Variants in PDZRN4 observed in about 807,000 individuals in gnomAD.
PDZRN4 encodes the protein PDZ domain-containing RING finger protein 4.
In PDZRN4, 70 loss-of-function variants were observed where a neutral mutation model predicts 99.0. That is an observed-to-expected ratio of 0.71 (90% CI 0.58 to 0.86). The LOEUF (loss-of-function observed/expected upper bound fraction) is 0.86, where lower values mean the gene tolerates loss of function less well. PDZRN4 is among the 40% of genes least tolerant of loss of function. The pLI, the probability that PDZRN4 is intolerant of heterozygous loss-of-function variation, is 0.00. For missense variants in PDZRN4, 1,474 were observed against 1,331.2 expected, an observed-to-expected ratio of 1.11 and a Z score of -1.67; for synonymous variants, 551 against 501.6, an observed-to-expected ratio of 1.10 and a Z score of -1.32.
Position 41,189,953 on chromosome 12 carries a change from T to C in PDZRN4, c.648+850T>C, listed in dbSNP as rs563658186. Among the ~76,000 whole-genome samples the C allele has an allele frequency of 2.6e-5, 4 of 152,314 alleles. No homozygotes were observed. The South Asian group carries it at 8.3e-4, about 32-fold the overall frequency. ...TCCTCCCGCCGGCTTTCATACCGAATAAACAAGCCTCTTTGCAGCATCCCG... is the reference window on the plus strand; with the variant it reads ...TCCTCCCGCCGGCTTTCATACCGAACAAACAAGCCTCTTTGCAGCATCCCG... On this transcript the variant is annotated intron_variant, in intron 1 of 9. Transcript: ENST00000402685.
chr12:41,572,815 A>G lies in PDZRN4; in HGVS notation c.2036A>G (p.Glu679Gly). 2 of 1,614,164 alleles carry G rather than the reference A, an allele frequency of 1.2e-6. No individual in the cohort carries two copies. Among genetic ancestry groups the G allele is most frequent in the Non-Finnish European group, 1.7e-6 (2 of 1,180,008 alleles). ...GAAGAACTGAGAAACATTGAGCTTGAGTGTCAGAATATCATGCAGGCTCAC... is the reference window on the plus strand; with the variant it reads ...GAAGAACTGAGAAACATTGAGCTTGGGTGTCAGAATATCATGCAGGCTCAC... Reference protein sequence around the residue: ...LNEELRNIELECQNIMQAHRL... With the variant: ...LNEELRNIELGCQNIMQAHRL... The change falls in exon 10 of 10, where the codon GAG becomes GGG. Residue 679 changes from glutamate to glycine, a missense_variant. Transcript: ENST00000402685.
chr12:41,211,089 C>A (rs111663269), intron 3 of PDZRN4, among the ~76,000 whole-genome samples: 1 of 152,070 alleles, frequency 6.6e-6, no homozygotes, highest in East Asian at 1.9e-4. Flanking sequence ...CAGTGTTTCA[C>A]GCCCTCAGGA....
intron 3 of PDZRN4, among the ~76,000 whole-genome samples, chr12:41,375,979 G>T (rs1335885495): frequency 1.3e-5 from 2 of 151,966 alleles, no homozygotes; most frequent in African/African-American, 4.8e-5. Flanking sequence ...CCACATATAA[G>T]CAGGATTATA....
At chr12:41,528,148 G>A (rs1340700545) in intron 5 of PDZRN4, among the ~76,000 whole-genome samples, 1 of 152,078 alleles carries the variant, frequency 6.6e-6, no homozygotes, top group Non-Finnish European at 1.5e-5. Context: ...ATGCATGGAT[G>A]GTGTCTGAGG....
Position 41,341,312 on chromosome 12 carries a change from C to A in PDZRN4, c.843+147124C>A, listed in dbSNP as rs184471846. ...ATCAGAAACATTACAAAGGTGCCTA[C>A]TTTTACCACTCCTATTCAATGTAGT... On this transcript the variant is annotated intron_variant, in intron 3 of 9. Coordinates refer to ENST00000402685, the MANE Select transcript of PDZRN4 (RefSeq NM_001164595.2). Among the ~76,000 whole-genome samples the A allele has an allele frequency of 3.1e-3, 470 of 151,920 alleles. 5 individuals are homozygous for A. The highest frequency in any genetic ancestry group is 0.011 in the African/African-American group (448 of 41,536).
chr12:41,524,625 G>T (rs1362878394), intron 5 of PDZRN4, among the ~76,000 whole-genome samples: 1 of 152,096 alleles, frequency 6.6e-6, no homozygotes, highest in Non-Finnish European at 1.5e-5. Flanking sequence ...AGAATTACAG[G>T]CCCGATAATT....
intron 3 of PDZRN4, among the ~76,000 whole-genome samples, chr12:41,240,426 T>C (rs1335761517): frequency 6.6e-6 from 1 of 152,206 alleles, no homozygotes; most frequent in African/African-American, 2.4e-5. Flanking sequence ...ATCTAAATTT[T>C]AGAGGTGCAT....
chr12:41,306,447 T>C (rs1951570020), intron 3 of PDZRN4, among the ~76,000 whole-genome samples: 2 of 152,228 alleles, frequency 1.3e-5, no homozygotes, highest in African/African-American at 4.8e-5. Flanking sequence ...CAAAGAAGTC[T>C]GACAGCCATC....
chr12:41,341,443 A>G (rs1951816214), intron 3 of PDZRN4, among the ~76,000 whole-genome samples: 2 of 151,936 alleles, frequency 1.3e-5, no homozygotes, highest in African/African-American at 4.8e-5. Flanking sequence ...GTGATCTTGT[A>G]TATAAAGTAT....
chr12:41,338,928 A>G (rs1951795064), intron 3 of PDZRN4, among the ~76,000 whole-genome samples: 1 of 152,064 alleles, frequency 6.6e-6, no homozygotes, highest in African/African-American at 2.4e-5. Context: ...TCAAAGAAGG[A>G]ACAAAAAAAT....
chr12:41,237,751 C>G (rs1412783612), intron 3 of PDZRN4, among the ~76,000 whole-genome samples: 1 of 152,146 alleles, frequency 6.6e-6, no homozygotes, highest in Non-Finnish European at 1.5e-5. Context: ...TTGTTTTCGT[C>G]AGCTTTGTCA....
intron 3 of PDZRN4, among the ~76,000 whole-genome samples, chr12:41,496,530 G>A (rs942808404): frequency 6.6e-6 from 1 of 152,010 alleles, no homozygotes; most frequent in Non-Finnish European, 1.5e-5. Flanking sequence ...TTCCCACGTC[G>A]ATGCTCTTTT....
At chr12:41,434,109 A>T (rs1424699339) in intron 3 of PDZRN4, among the ~76,000 whole-genome samples, 5 of 152,178 alleles carry the variant, frequency 3.3e-5, no homozygotes, top group African/African-American at 1.2e-4. Context: ...AATATAGAGT[A>T]ATGACCTTTT....
chr12:41,447,010 T>G (rs74322070), intron 3 of PDZRN4, among the ~76,000 whole-genome samples: 2,625 of 152,116 alleles, frequency 0.017, 52 homozygotes, highest in East Asian at 0.091. Context: ...AAGCAGGATA[T>G]GGGACGACTA....
intron 1 of PDZRN4, 129 bp from the exon 2 acceptor site, chr12:41,191,329 C>A (rs141062660): frequency 5.0e-6 from 3 of 605,630 alleles, no homozygotes; most frequent in African/African-American, 1.9e-5. Context: ...CCACATTCAA[C>A]CATCCTTAAT....
intron 3 of PDZRN4, among the ~76,000 whole-genome samples, chr12:41,322,487 C>CTTTTTTTTTTTTTTTTTT (rs71081724): frequency 1.1e-5 from 1 of 91,210 alleles, no homozygotes; most frequent in Non-Finnish European, 1.9e-5. Flanking sequence ...ATTTTCTTTC[C>CTTTTTTTTTTTTTTTTTT]TTTTTTTTTT....
Position 41,349,051 on chromosome 12 carries a change from A to G in PDZRN4, c.843+154863A>G, listed in dbSNP as rs139097974. On this transcript the variant is annotated intron_variant, in intron 3 of 9. Transcript: ENST00000402685. ...AAATGTTATTTATGTTAGCCTGTTA[A>G]AAGATTACTAGGGTCATTTAAATAA... is the stretch of plus-strand genomic sequence containing the variant. Among the ~76,000 whole-genome samples the G allele has an allele frequency of 5.3e-4, 81 of 152,056 alleles. 1 individual carries two copies. In the East Asian group the frequency reaches 0.012, roughly 23 times the overall value.
At chr12:41,274,281 A>T (rs1032437060) in intron 3 of PDZRN4, among the ~76,000 whole-genome samples, 8 of 152,132 alleles carry the variant, frequency 5.3e-5, no homozygotes, top group African/African-American at 1.9e-4. Flanking sequence ...TGTAGTTAAA[A>T]TCTTTGACTA....
chr12:41,539,991 T>C (rs1261071487), intron 5 of PDZRN4, among the ~76,000 whole-genome samples: 1 of 152,146 alleles, frequency 6.6e-6, no homozygotes, highest in African/African-American at 2.4e-5. Flanking sequence ...TCATGTATCA[T>C]AATAGACTGG....
Sources: gnomAD v4.1 joint callset for allele counts (sites outside exome capture counted in the v4.1 genomes callset) on GRCh38, gnomAD v4.1.1 for gene constraint, MANE v1.5 for transcripts, NCBI Gene and HGNC (gene_info 2026-07-23, HGNC 2026-07-21) for gene names.